SHANK2: variants seen among roughly 807,000 people sequenced by gnomAD.
SHANK2 encodes the protein SH3 and multiple ankyrin repeat domains protein 2.
Under a neutral mutation model 133.7 loss-of-function variants are expected in SHANK2, and 43 were observed. The observed-to-expected ratio is 0.32, with a 90% confidence interval of 0.25 to 0.41. The LOEUF (loss-of-function observed/expected upper bound fraction) is 0.41, where lower values mean the gene tolerates loss of function less well. Among genes scored for constraint, SHANK2 ranks in the 10% least tolerant of loss-of-function variants. SHANK2 has a pLI of 1.00. For synonymous variants in SHANK2, 1,017 were observed against 952.8 expected (o/e 1.07, Z -1.24); for missense variants, 1,994 against 2,235.8 (o/e 0.89, Z 2.18).
chr11:70,886,172 G>A (rs1239235539), intron 11 of SHANK2, among the ~76,000 whole-genome samples: 3 of 152,166 alleles, frequency 2.0e-5, no homozygotes, highest in East Asian at 1.9e-4. Context: ...ACAAGACGCA[G>A]GTCAGTCCCA....
chr11:70,850,894 C>G (rs1488618599), intron 11 of SHANK2, among the ~76,000 whole-genome samples: 1 of 152,194 alleles, frequency 6.6e-6, no homozygotes, highest in Non-Finnish European at 1.5e-5. Flanking sequence ...GCCCTGACAA[C>G]CCCTTCGCCC....
intron 14 of SHANK2, among the ~76,000 whole-genome samples, chr11:70,789,226 T>C (rs1555047380): frequency 6.6e-6 from 1 of 152,074 alleles, no homozygotes; most frequent in Non-Finnish European, 1.5e-5. Flanking sequence ...TAAAGGCACC[T>C]CCCATTAAGG....
intron 17 of SHANK2, among the ~76,000 whole-genome samples, chr11:70,622,828 C>G (rs1440421769): frequency 2.0e-5 from 3 of 152,284 alleles, no homozygotes; most frequent in Admixed American, 1.3e-4. Context: ...AACACACACG[C>G]GCAAGCACCA....
chr11:70,525,855 C>T (rs1169576884), intron 17 of SHANK2, among the ~76,000 whole-genome samples: 1 of 151,888 alleles, frequency 6.6e-6, no homozygotes, highest in Non-Finnish European at 1.5e-5. Flanking sequence ...TCAGAAGCTT[C>T]CTTCCCCCTC....
At chr11:71,146,996 G>C in intron 3 of SHANK2, 124 bp downstream of exon 3, 1 of 768,268 alleles carries the variant, frequency 1.3e-6, no homozygotes. Context: ...GAGCGAGGAA[G>C]GAGCACGGTG....
At chr11:70,658,454 C>CAA (rs2061439952) in intron 17 of SHANK2, among the ~76,000 whole-genome samples, 5 of 152,164 alleles carry the variant, frequency 3.3e-5, no homozygotes, top group Non-Finnish European at 7.4e-5. Context: ...TCTGGTGGTG[C>CAA]ACCCGACAGT....
At chr11:71,078,013 C>A (rs920744905) in intron 8 of SHANK2, among the ~76,000 whole-genome samples, 2 of 152,002 alleles carry the variant, frequency 1.3e-5, no homozygotes, top group Non-Finnish European at 2.9e-5. Flanking sequence ...CAGCAACAGC[C>A]CAGCAGCCAT....
intron 17 of SHANK2, among the ~76,000 whole-genome samples, chr11:70,550,556 T>C (rs2059751703): frequency 6.6e-6 from 1 of 152,218 alleles, no homozygotes; most frequent in Non-Finnish European, 1.5e-5. Flanking sequence ...CTGGATCTGC[T>C]GGCGAGGCCT....
intron 2 of SHANK2, among the ~76,000 whole-genome samples, chr11:71,180,064 C>T (rs1157214937): frequency 3.9e-5 from 6 of 152,322 alleles, no homozygotes; most frequent in Admixed American, 1.3e-4. Flanking sequence ...CCAGTGTTCA[C>T]GCTGTAACCT....
chr11:71,105,590 T>TAAAA (rs60654256), intron 6 of SHANK2, among the ~76,000 whole-genome samples: 55 of 77,748 alleles, frequency 7.1e-4, no homozygotes, highest in Non-Finnish European at 8.5e-4. Flanking sequence ...AGACTCAGTC[T>TAAAA]AAAAAAAAAA....
chr11:70,570,331 A>G (rs1473338108), intron 17 of SHANK2, among the ~76,000 whole-genome samples: 4 of 152,150 alleles, frequency 2.6e-5, no homozygotes, highest in South Asian at 2.1e-4. Flanking sequence ...CTAATTCCTG[A>G]TGGTAGAACT....
intron 9 of SHANK2, among the ~76,000 whole-genome samples, chr11:71,061,413 C>T (rs992562741): frequency 0.09 from 13,711 of 152,310 alleles, 859 homozygotes; most frequent in Non-Finnish European, 0.13. Flanking sequence ...TAACAACGGT[C>T]TTCAGGCCCC....
At chr11:70,837,811 C>A (rs916598982) in intron 11 of SHANK2, among the ~76,000 whole-genome samples, 1 of 151,496 alleles carries the variant, frequency 6.6e-6, no homozygotes, top group Non-Finnish European at 1.5e-5. Context: ...CCTGTTTCTA[C>A]TAAAAACACA....
chr11:70,555,585 A>G lies in SHANK2; in HGVS notation c.2062-52654T>C, dbSNP rs536705767. Reference sequence around the variant, plus strand: ...GAAAAATAACAAATAAATTAGCTGGACATGGTGGCATGTGCTTGTAGGTCG... The same window carrying G: ...GAAAAATAACAAATAAATTAGCTGGGCATGGTGGCATGTGCTTGTAGGTCG... On this transcript the variant is annotated intron_variant, in intron 17 of 25. Coordinates refer to ENST00000601538, the MANE Select transcript of SHANK2 (RefSeq NM_012309.5). Among the ~76,000 whole-genome samples the G allele has an allele frequency of 2.0e-5, 3 of 152,322 alleles. No homozygotes were observed. In the South Asian group the frequency reaches 6.2e-4, roughly 32 times the overall value.
chr11:71,109,405 T>C (rs115828614), intron 6 of SHANK2, among the ~76,000 whole-genome samples: 3,503 of 152,130 alleles, frequency 0.023, 141 homozygotes, highest in African/African-American at 0.081. Context: ...CTGTGATACA[T>C]AGGATGGCCG....
chr11:71,106,570 G>A (rs1308327339), intron 6 of SHANK2, among the ~76,000 whole-genome samples: 1 of 152,216 alleles, frequency 6.6e-6, no homozygotes, highest in African/African-American at 2.4e-5. Context: ...TGGGAAACAT[G>A]GTCAGGTCTT....
At chr11:71,160,296 G>T (rs1555109726) in intron 2 of SHANK2, among the ~76,000 whole-genome samples, 1 of 152,148 alleles carries the variant, frequency 6.6e-6, no homozygotes, top group Non-Finnish European at 1.5e-5. Flanking sequence ...TCACTGCTAC[G>T]AACTGAACTG....
In SHANK2 at chr11:70,661,765, C is replaced by G. The variant is rs781810608; in HGVS notation, c.1854-87G>C. 1.9e-6 allele frequency: 3 copies of G among 1,613,992 alleles called. No individual in the cohort carries two copies. In the African/African-American group the frequency reaches 4.0e-5, roughly 22 times the overall value. On this transcript the variant is annotated intron_variant, in intron 15 of 25. Transcript: ENST00000601538. Reference sequence around the variant, plus strand: ...CTCCTCCGCCGGGGACGTTCATCATCATAGCCAATTAATCACCCCAGCTCG... The same window carrying G: ...CTCCTCCGCCGGGGACGTTCATCATGATAGCCAATTAATCACCCCAGCTCG...
At chr11:71,146,952 G>T (rs1952661687) in intron 3 of SHANK2, among the ~76,000 whole-genome samples, 168 bp downstream of exon 3, 1 of 152,156 alleles carries the variant, frequency 6.6e-6, no homozygotes, top group African/African-American at 2.4e-5. Context: ...GGCGGGCACG[G>T]CAGGGAGCCT....
Sources: allele counts gnomAD v4.1 joint callset (sites outside exome capture counted in the v4.1 genomes callset), GRCh38; gene constraint gnomAD v4.1.1; transcripts MANE v1.5; gene names NCBI Gene and HGNC (gene_info 2026-07-23, HGNC 2026-07-21).